The following FMR1 variants were observed in gnomAD, a reference collection of about 807,000 sequenced individuals.
The protein encoded by FMR1 is FMRP translational regulator 1.
A neutral mutation model predicts 50.6 loss-of-function variants in FMR1; 13 were observed. The ratio of observed to expected loss-of-function variants is 0.26; its 90% confidence interval spans 0.17 to 0.41. The LOEUF is 0.41. Ranked by LOEUF, FMR1 falls within the 10% of genes least tolerant of loss-of-function variation. FMR1 has a pLI of 1.00. For synonymous variants in FMR1, 138 were observed against 164.1 expected (o/e 0.84, Z 1.22); for missense variants, 316 against 491.3 (o/e 0.64, Z 3.37).
At chrX:147,948,028 T>C (rs1328052905) in intron 16 of FMR1, among the ~76,000 whole-genome samples, 1 of 112,101 alleles carries the variant, frequency 8.9e-6, no homozygotes, top group African/African-American at 3.2e-5. Context: ...TTCCACAAAT[T>C]ATTATATGCA....
intron 14 of FMR1, chrX:147,943,703 A>AG: frequency 6.5e-6 from 1 of 153,458 alleles, no homozygotes. Context: ...TGTGTAAATC[A>AG]GGGGTCTGCC....
chrX:147,925,689 CTG>C (rs2043361863), intron 3 of FMR1, 56 bp downstream of exon 3: 3 of 787,370 alleles, frequency 3.8e-6, no homozygotes, highest in African/African-American at 4.1e-5. Context: ...GTTAATTTAT[CTG>C]TGTTTTTTTT....
chrX:147,925,706 ACTTTGT>A (rs2043362903), intron 3 of FMR1, 73 bp downstream of exon 3: 3 of 684,499 alleles, frequency 4.4e-6, no homozygotes, highest in Admixed American at 4.6e-5. Flanking sequence ...TTTTTTTAAT[ACTTTGT>A]CTTTAACACT....
chrX:147,930,345 T>C, intron 7 of FMR1, 101 bp downstream of exon 7: 7 of 576,720 alleles, frequency 1.2e-5, no homozygotes, highest in Non-Finnish European at 2.2e-5. Context: ...TATTTACTGC[T>C]TCTTAACAAT....
chrX:147,929,568 G>A (rs1557178254), intron 5 of FMR1, among the ~76,000 whole-genome samples: 1 of 106,335 alleles, frequency 9.4e-6, no homozygotes, highest in African/African-American at 3.5e-5. Flanking sequence ...TACCTACTAT[G>A]TACCCACAAA....
Position 147,922,123 on chromosome X carries a change from T to G in FMR1, c.104+138T>G, listed in dbSNP as rs782071349. ...TCTTCATGTTACTGACTGAGAAGTT[T>G]CTGAACAACTCAGTATTAAACTAAT... On this transcript the variant is annotated intron_variant, in intron 2 of 16. Transcript: ENST00000370475. The G allele has an allele frequency of 3.8e-4, 176 of 460,540 alleles. 2 individuals carry two copies. The South Asian group carries it at 5.6e-3, about 15-fold the overall frequency. 38.0% of individuals were successfully genotyped at this position (460,540 alleles called of 1,213,427 possible).
chrX:147,936,385 TAC>T (rs2043790867), intron 9 of FMR1, 117 bp from the exon 10 acceptor site: 1 of 499,503 alleles, frequency 2.0e-6, no homozygotes, highest in South Asian at 3.0e-5. Flanking sequence ...TACAATTCAA[TAC>T]ATACACATAC....
At chrX:147,939,353 T>C (rs1216057088) in intron 12 of FMR1, among the ~76,000 whole-genome samples, 1 of 111,121 alleles carries the variant, frequency 9.0e-6, no homozygotes, top group African/African-American at 3.3e-5. Context: ...GTAGTGTCCA[T>C]AGAGAGAAGT....
chrX:147,912,635 A>G (rs1475626830), intron 1 of FMR1: 2 of 298,838 alleles, frequency 6.7e-6, no homozygotes, highest in Non-Finnish European at 1.2e-5. Flanking sequence ...TCGTGTGGGT[A>G]GTTGTGGAGG....
At chrX:147,928,220 A>G in intron 3 of FMR1, 102 bp from the exon 4 acceptor site, 2 of 710,744 alleles carry the variant, frequency 2.8e-6, no homozygotes, top group Non-Finnish European at 4.4e-6. Flanking sequence ...GTTTTTAAAG[A>G]CACCTAGGGG....
At position 147,930,059 on chromosome X, in the gene FMR1, G is replaced by GTTTT. The variant is rs1557178412; in HGVS notation, c.513+21_513+22insTTTT. The GTTTT allele has an allele frequency of 3.4e-6, 4 of 1,169,675 alleles. No individual in the cohort carries two copies. Among genetic ancestry groups the GTTTT allele is most frequent in the African/African-American group, 1.8e-5 (1 of 56,187 alleles). On this transcript the variant is annotated intron_variant, in intron 6 of 16. Transcript: ENST00000370475. ...TCATTTTGGTGAGCATTTTTGAGTTGTTTATTTTTAGTTTAATTCATCTGG... is the reference window on the plus strand; with the variant it reads ...TCATTTTGGTGAGCATTTTTGAGTTGTTTTTTTATTTTTAGTTTAATTCATCTGG...
At chrX:147,933,252 A>G (rs1171796420) in intron 9 of FMR1, 8 of 306,421 alleles carry the variant, frequency 2.6e-5, no homozygotes, top group African/African-American at 2.2e-4. Flanking sequence ...AATCTTGCCC[A>G]GCCCTCCTGA....
chrX:147,917,698 ACT>A (rs1461656991), intron 1 of FMR1, among the ~76,000 whole-genome samples: 1 of 111,352 alleles, frequency 9.0e-6, no homozygotes, highest in Non-Finnish European at 1.9e-5. Context: ...AAAATATGAC[ACT>A]CTCTACTTTT....
Position 147,939,420 on chromosome X carries a change from T to C in FMR1, c.1189-1156T>C, listed in dbSNP as rs150884427. 5.1e-3 allele frequency among the ~76,000 whole-genome samples: 567 copies of C among 111,775 alleles called. 2 individuals are homozygous for C. The highest frequency in any genetic ancestry group is 0.018 in the African/African-American group (546 of 30,727). On this transcript the variant is annotated intron_variant, in intron 12 of 16. Transcript: ENST00000370475. Reference sequence around the variant, plus strand: ...ATTTTCAGAGTACATTATTGAAATGTGTATGGGCTTGATAAAACTTAATGC... The same window carrying C: ...ATTTTCAGAGTACATTATTGAAATGCGTATGGGCTTGATAAAACTTAATGC...
intron 12 of FMR1, among the ~76,000 whole-genome samples, chrX:147,939,755 G>C (rs2043915870): frequency 9.3e-6 from 1 of 107,959 alleles, no homozygotes; most frequent in Admixed American, 1.0e-4. Flanking sequence ...AAATTTAGCT[G>C]GGTATGATGG....
chrX:147,912,516 C>T (rs1244815283), intron 1 of FMR1, among the ~76,000 whole-genome samples: 1 of 112,378 alleles, frequency 8.9e-6, no homozygotes, highest in African/African-American at 3.2e-5. Flanking sequence ...GGGCGAGGGC[C>T]GGCGGCAGGT....
intron 2 of FMR1, 95 bp from the exon 3 acceptor site, chrX:147,925,445 G>A (rs1353681724): frequency 6.5e-5 from 42 of 646,086 alleles, no homozygotes; most frequent in Non-Finnish European, 9.1e-5. Flanking sequence ...AGAAAAAGAG[G>A]GGTCAGCCTT....
At chrX:147,940,160 C>CAAAAAAAAAAAAAAAAAAAAA (rs782591628) in intron 12 of FMR1, 2 of 30,509 alleles carry the variant, frequency 6.6e-5, no homozygotes, top group Non-Finnish European at 1.1e-4. Flanking sequence ...GACTCCGTCT[C>CAAAAAAAAAAAAAAAAAAAAA]AAAAAAAAAA....
At chrX:147,942,030 C>T (rs2044024868) in intron 13 of FMR1, among the ~76,000 whole-genome samples, 1 of 112,627 alleles carries the variant, frequency 8.9e-6, no homozygotes, top group Non-Finnish European at 1.9e-5. Flanking sequence ...GTCACTCACT[C>T]AGCTGCAGTC....
Sources: allele counts gnomAD v4.1 joint callset (sites outside exome capture counted in the v4.1 genomes callset), GRCh38; gene constraint gnomAD v4.1.1; transcripts MANE v1.5; gene names NCBI Gene and HGNC (gene_info 2026-07-23, HGNC 2026-07-21).